LPAR3: variants seen among roughly 807,000 people sequenced by gnomAD.
LPAR3 encodes the protein LPA receptor 3.
A neutral mutation model predicts 17.8 loss-of-function variants in LPAR3; 7 were observed. That is an observed-to-expected ratio of 0.39 (90% CI 0.22 to 0.74). The LOEUF (loss-of-function observed/expected upper bound fraction) is 0.74, where lower values mean the gene tolerates loss of function less well. LPAR3 is among the 30% of genes least tolerant of loss of function. LPAR3 has a pLI of 0.40. For missense variants in LPAR3, 391 were observed against 453.4 expected (o/e 0.86, Z 1.25); for synonymous variants, 179 against 179.9 (o/e 0.99, Z 0.04).
At chr1:84,834,870 C>A (rs1659365405) in intron 2 of LPAR3, among the ~76,000 whole-genome samples, 2 of 152,150 alleles carry the variant, frequency 1.3e-5, no homozygotes, top group African/African-American at 4.8e-5. Context: ...CTTAACACTT[C>A]CCACAAGGAC....
chr1:84,824,488 T>C (rs149220309), intron 2 of LPAR3, among the ~76,000 whole-genome samples: 65 of 152,218 alleles, frequency 4.3e-4, no homozygotes, highest in African/African-American at 1.6e-3. Context: ...CTTATCCCCA[T>C]TATAGTAAAA....
chr1:84,882,737 T>C (rs566569813), intron 1 of LPAR3, among the ~76,000 whole-genome samples: 13 of 152,208 alleles, frequency 8.5e-5, no homozygotes, highest in Non-Finnish European at 1.5e-4. Flanking sequence ...GGAGAAAAGA[T>C]AGTCTCTTCA....
chr1:84,856,102 G>A (rs1417143417), intron 2 of LPAR3, among the ~76,000 whole-genome samples: 3 of 152,286 alleles, frequency 2.0e-5, no homozygotes, highest in South Asian at 2.1e-4. Flanking sequence ...TGCACCCACC[G>A]ATTGACGGCC....
intron 1 of LPAR3, among the ~76,000 whole-genome samples, chr1:84,879,220 T>C (rs748750247): frequency 3.6e-4 from 55 of 152,230 alleles, no homozygotes; most frequent in Non-Finnish European, 6.6e-4. Flanking sequence ...TGTGACTTCT[T>C]TTGTAATTAT....
At chr1:84,856,259 T>C (rs986102326) in intron 2 of LPAR3, among the ~76,000 whole-genome samples, 1 of 152,202 alleles carries the variant, frequency 6.6e-6, no homozygotes, top group African/African-American at 2.4e-5. Flanking sequence ...TACTGAGTAC[T>C]GGTGCCTGGA....
chr1:84,851,506 A>T (rs911071520), intron 2 of LPAR3, among the ~76,000 whole-genome samples: 6 of 152,266 alleles, frequency 3.9e-5, no homozygotes, highest in African/African-American at 1.4e-4. Flanking sequence ...AGAGGCACTT[A>T]GCAAATAAAT....
chr1:84,814,380 C>T (rs1319113253), intron 2 of LPAR3, among the ~76,000 whole-genome samples: 1 of 152,198 alleles, frequency 6.6e-6, no homozygotes, highest in African/African-American at 2.4e-5. Flanking sequence ...CTATCAATCA[C>T]ATTTCATTTC....
chr1:84,832,940 ATGAG>A (rs1659316957), intron 2 of LPAR3, among the ~76,000 whole-genome samples: 1 of 152,240 alleles, frequency 6.6e-6, no homozygotes, highest in Non-Finnish European at 1.5e-5. Context: ...GTCAAATGAG[ATGAG>A]TAAGTCAAAA....
intron 2 of LPAR3, among the ~76,000 whole-genome samples, chr1:84,848,814 GT>G (rs58183332): frequency 0.012 from 1,799 of 152,246 alleles, 16 homozygotes; most frequent in South Asian, 0.034. Flanking sequence ...GACAGCATTC[GT>G]TAAGTTTGCC....
Position 84,814,025 on chromosome 1 carries a change from A to G in LPAR3, c.883T>C (p.Tyr295His), listed in dbSNP as rs1311904010. 6.2e-7 allele frequency: 1 copy of G among 1,614,016 alleles called. No individual in the cohort carries two copies. Among genetic ancestry groups the G allele is most frequent in the African/African-American group, 1.3e-5 (1 of 74,910 alleles). The change falls in exon 3 of 3, where the codon TAC (tyrosine) becomes CAC (histidine). Residue 295 changes from tyrosine to histidine, a missense_variant. Transcript: ENST00000370611. ...GTGCCATACATGTCCTCGTCCTTGT[A>G]GGAGTAGATGATGGGGTTCACGACG... ...NSVVNPIIYS[Y>H]KDEDMYGTMK... is the part of the protein sequence containing the mutation.
intron 2 of LPAR3, among the ~76,000 whole-genome samples, chr1:84,844,812 C>A (rs1486403171): frequency 1.3e-5 from 2 of 152,154 alleles, no homozygotes; most frequent in African/African-American, 4.8e-5. Context: ...ACAACCCCGA[C>A]CCCGCCACAG....
intron 2 of LPAR3, among the ~76,000 whole-genome samples, chr1:84,848,279 A>C (rs896033968): frequency 6.6e-6 from 1 of 152,208 alleles, no homozygotes; most frequent in African/African-American, 2.4e-5. Flanking sequence ...TCCCGCCAAG[A>C]AAGCCTTCAA....
intron 2 of LPAR3, among the ~76,000 whole-genome samples, chr1:84,845,753 C>T (rs1370780452): frequency 2.0e-5 from 3 of 152,128 alleles, no homozygotes; most frequent in Non-Finnish European, 4.4e-5. Flanking sequence ...AAAGAAAATG[C>T]AGGCTTTGAT....
At chr1:84,872,425 C>G (rs140289856) in intron 1 of LPAR3, among the ~76,000 whole-genome samples, 1 of 152,214 alleles carries the variant, frequency 6.6e-6, no homozygotes, top group African/African-American at 2.4e-5. Context: ...TTCTGAAGGA[C>G]AGTCTCACAA....
At chr1:84,849,147 C>T (rs1341350231) in intron 2 of LPAR3, among the ~76,000 whole-genome samples, 6 of 151,928 alleles carry the variant, frequency 3.9e-5, no homozygotes, top group East Asian at 1.9e-4. Context: ...GAGGCTGAGG[C>T]GGGCGGATCA....
chr1:84,851,147 G>T (rs978008334), intron 2 of LPAR3, among the ~76,000 whole-genome samples: 1 of 152,202 alleles, frequency 6.6e-6, no homozygotes, highest in African/African-American at 2.4e-5. Flanking sequence ...ATAAATGCCT[G>T]GCACAAAGTG....
intron 1 of LPAR3, among the ~76,000 whole-genome samples, chr1:84,885,019 T>C (rs1404855673): frequency 3.9e-5 from 6 of 152,282 alleles, no homozygotes; most frequent in Admixed American, 2.0e-4. Flanking sequence ...AGATGCAAAA[T>C]TCCCCCAGGA....
chr1:84,862,858 G>A (rs1659965512), intron 2 of LPAR3, among the ~76,000 whole-genome samples: 5 of 152,148 alleles, frequency 3.3e-5, no homozygotes, highest in South Asian at 2.1e-4. Context: ...AGTGAGAAAC[G>A]GCCTCTCTGC....
intron 1 of LPAR3, among the ~76,000 whole-genome samples, chr1:84,873,844 C>G (rs1660204687): frequency 6.6e-6 from 1 of 152,000 alleles, no homozygotes. Flanking sequence ...CCTCCGCCTC[C>G]CGGGTTCAAG....
Sources: allele counts gnomAD v4.1 joint callset (sites outside exome capture counted in the v4.1 genomes callset), GRCh38; gene constraint gnomAD v4.1.1; transcripts MANE v1.5; gene names NCBI Gene and HGNC (gene_info 2026-07-23, HGNC 2026-07-21).